Variants in PPP2R2A observed in about 807,000 individuals in gnomAD.
The protein encoded by PPP2R2A is serine/threonine-protein phosphatase 2A 55 kDa regulatory subunit B alpha isoform.
A neutral mutation model predicts 53.2 loss-of-function variants in PPP2R2A; 9 were observed. That is an observed-to-expected ratio of 0.17 (90% confidence interval 0.10 to 0.30). The LOEUF is 0.30. Ranked by LOEUF, PPP2R2A falls within the 10% of genes least tolerant of loss-of-function variation. The probability of loss-of-function intolerance (pLI) is 1.00; values close to 1 mark genes in which losing one functional copy is unlikely to be tolerated. For missense variants in PPP2R2A, 235 were observed against 534.6 expected, an observed-to-expected ratio of 0.44 and a Z score of 5.53; for synonymous variants, 169 against 174.2, an observed-to-expected ratio of 0.97 and a Z score of 0.23.
At position 26,293,613 on chromosome 8, in the gene PPP2R2A, G is replaced by A. The variant is rs572866422; in HGVS notation, c.8-53G>A. 12 of 1,524,028 alleles carry A rather than the reference G, an allele frequency of 7.9e-6. No individual in the cohort carries two copies. The African/African-American group carries it at 9.6e-5, about 12-fold the overall frequency. The allele number at this position is 1,524,028 out of a possible 1,614,324, so 94.4% of individuals were successfully genotyped here. Reference sequence around the variant, plus strand: ...CCATGGATACCATCTTTGTGTTTACGAGAGTCAACATAAGCAGAACTCGGT... The same window carrying A: ...CCATGGATACCATCTTTGTGTTTACAAGAGTCAACATAAGCAGAACTCGGT... On this transcript the variant is annotated intron_variant, in intron 1 of 9. Coordinates refer to ENST00000380737, the MANE Select transcript of PPP2R2A (RefSeq NM_002717.4).
intron 2 of PPP2R2A, among the ~76,000 whole-genome samples, chr8:26,329,326 G>T (rs1434766916): frequency 6.6e-6 from 1 of 151,614 alleles, no homozygotes; most frequent in Non-Finnish European, 1.5e-5. Flanking sequence ...TATTTTTTAG[G>T]TGTCTATCCC....
At chr8:26,309,023 G>A (rs188408483) in intron 2 of PPP2R2A, among the ~76,000 whole-genome samples, 63 of 152,170 alleles carry the variant, frequency 4.1e-4, no homozygotes, top group African/African-American at 1.5e-3. Flanking sequence ...ACTACACCTG[G>A]CTCATATTTC....
intron 2 of PPP2R2A, among the ~76,000 whole-genome samples, chr8:26,304,396 T>C (rs1300793921): frequency 2.6e-5 from 4 of 152,172 alleles, no homozygotes. Context: ...ATTTAAGTTT[T>C]TCAGTAGCTT....
chr8:26,304,032 C>T (rs1249783230), intron 2 of PPP2R2A, among the ~76,000 whole-genome samples: 11 of 152,270 alleles, frequency 7.2e-5, no homozygotes, highest in African/African-American at 1.7e-4. Flanking sequence ...GTCTGTGGAC[C>T]GGTGATCTGG....
intron 3 of PPP2R2A, among the ~76,000 whole-genome samples, chr8:26,348,826 G>C (rs78733159): frequency 0.029 from 4,374 of 152,226 alleles, 100 homozygotes; most frequent in Non-Finnish European, 0.044. Flanking sequence ...TCCCATAACA[G>C]GAATGAAAAA....
At chr8:26,292,848 C>T (rs1801367564) in intron 1 of PPP2R2A, among the ~76,000 whole-genome samples, 1 of 152,158 alleles carries the variant, frequency 6.6e-6, no homozygotes, top group African/African-American at 2.4e-5. Flanking sequence ...GAAATAGAAA[C>T]ATTCCGAGAT....
intron 2 of PPP2R2A, among the ~76,000 whole-genome samples, chr8:26,318,093 A>G (rs947843886): frequency 9.2e-5 from 14 of 152,068 alleles, no homozygotes; most frequent in Admixed American, 7.9e-4. Flanking sequence ...TCTGAGAGTG[A>G]AGGTGCCAGG....
At chr8:26,366,128 C>T (rs1230688908) in intron 8 of PPP2R2A, 187 bp from the exon 9 acceptor site, 13 of 492,532 alleles carry the variant, frequency 2.6e-5, no homozygotes, top group Non-Finnish European at 4.2e-5. Context: ...GAAAATGTAC[C>T]TCCCTGAAGG....
rs149295014 is a variant in PPP2R2A, at chr8:26,323,570, G to T, written c.83-15320G>T. On this transcript the variant is annotated intron_variant, in intron 2 of 9. Coordinates refer to ENST00000380737, the MANE Select transcript of PPP2R2A (RefSeq NM_002717.4). ...TCTTGGGTTCGATTAATTTGCTAGA[G>T]TGGCTCACAGAACTCAGGGCAAACA... Among the ~76,000 whole-genome samples the T allele has an allele frequency of 2.0e-3, 301 of 152,324 alleles. 1 individual carries two copies. The highest frequency in any genetic ancestry group is 6.6e-3 in the African/African-American group (273 of 41,560).
chr8:26,291,741 C>G lies in PPP2R2A; in HGVS notation c.-79C>G, dbSNP rs573495451. 130 of 1,528,898 alleles carry G rather than the reference C, an allele frequency of 8.5e-5. No individual in the cohort carries two copies. In the South Asian group the frequency reaches 1.0e-3, roughly 12 times the overall value. 94.7% of individuals were successfully genotyped at this position (1,528,898 alleles called of 1,614,324 possible). A position where few individuals can be genotyped will look rare whatever the true frequency, so the allele number is the denominator to read the frequency against. ...CGCCGCCATCCGCCCTCTCTACCCC[C>G]CCATCCCCAGGTGAGGGGGGTGAGT... On this transcript the variant is annotated 5_prime_UTR_variant, in exon 1 of 10. Coordinates refer to ENST00000380737, the MANE Select transcript of PPP2R2A (RefSeq NM_002717.4).
At chr8:26,305,133 G>A (rs543532971) in intron 2 of PPP2R2A, among the ~76,000 whole-genome samples, 3 of 152,098 alleles carry the variant, frequency 2.0e-5, no homozygotes, top group Admixed American at 1.3e-4. Context: ...CTGTAAATTT[G>A]ACTGCTTTAG....
rs975589056 is a variant in PPP2R2A, at chr8:26,291,552, C to A, written c.-268C>A. On this transcript the variant is annotated 5_prime_UTR_variant, in exon 1 of 10. Transcript: ENST00000380737. ...TGAAAGTGGAGTCGCCTGCCCCTGC[C>A]GCTGCCGCCGCCGCCGTCGCTGTCG... The A allele has an allele frequency of 1.3e-5, 7 of 533,936 alleles. No individual in the cohort carries two copies. Among genetic ancestry groups the A allele is most frequent in the Non-Finnish European group, 2.3e-5 (7 of 301,832 alleles). The allele number at this position is 533,936 out of a possible 1,614,324, so 33.1% of individuals were successfully genotyped here.
intron 2 of PPP2R2A, among the ~76,000 whole-genome samples, chr8:26,299,125 T>C (rs1488913859): frequency 6.6e-6 from 1 of 152,058 alleles, no homozygotes; most frequent in Non-Finnish European, 1.5e-5. Context: ...ATTAAAAATA[T>C]TAGCAGGGCA....
chr8:26,318,777 A>G (rs1802690680), intron 2 of PPP2R2A, among the ~76,000 whole-genome samples: 1 of 152,228 alleles, frequency 6.6e-6, no homozygotes, highest in African/African-American at 2.4e-5. Context: ...GATATTTGAT[A>G]ACATTAAGCC....
At chr8:26,340,889 CA>C (rs1459569236) in intron 3 of PPP2R2A, among the ~76,000 whole-genome samples, 4 of 151,932 alleles carry the variant, frequency 2.6e-5, no homozygotes, top group African/African-American at 9.7e-5. Flanking sequence ...GAAAATAAGA[CA>C]AAATTATTTT....
chr8:26,307,799 T>A (rs181320219), intron 2 of PPP2R2A, among the ~76,000 whole-genome samples: 219 of 152,374 alleles, frequency 1.4e-3, no homozygotes, highest in Middle Eastern at 3.4e-3. Flanking sequence ...ATTACTTTCA[T>A]TTTATAGATG....
At chr8:26,329,711 T>C (rs887811099) in intron 2 of PPP2R2A, among the ~76,000 whole-genome samples, 2 of 152,214 alleles carry the variant, frequency 1.3e-5, no homozygotes, top group African/African-American at 4.8e-5. Context: ...AGCTTGGTTA[T>C]TTTCTAAGCC....
intron 2 of PPP2R2A, among the ~76,000 whole-genome samples, chr8:26,330,307 C>CTTTTTTTT (rs11351968): frequency 3.0e-4 from 39 of 129,936 alleles, no homozygotes; most frequent in Non-Finnish European, 4.2e-4. Flanking sequence ...ATTCTTTTTT[C>CTTTTTTTT]TTTTTTTTTT....
intron 2 of PPP2R2A, among the ~76,000 whole-genome samples, chr8:26,336,613 G>A (rs142938666): frequency 5.9e-5 from 9 of 152,066 alleles, no homozygotes; most frequent in Non-Finnish European, 1.2e-4. Context: ...GTATGGTAGC[G>A]CTTGCAAACT....
Sources: gnomAD v4.1 joint callset for allele counts (sites outside exome capture counted in the v4.1 genomes callset) on GRCh38, gnomAD v4.1.1 for gene constraint, MANE v1.5 for transcripts, NCBI Gene and HGNC (gene_info 2026-07-23, HGNC 2026-07-21) for gene names.